The following POMZP3 variants were observed in gnomAD, a reference collection of about 807,000 sequenced individuals.
POMZP3 encodes the protein POM121 and ZP3 fusion protein.
Under a neutral mutation model 19.8 loss-of-function variants are expected in POMZP3, and 10 were observed. The ratio of observed to expected loss-of-function variants is 0.51; its 90% CI spans 0.31 to 0.86. POMZP3 has a LOEUF of 0.86. Among genes scored for constraint, POMZP3 ranks in the 40% least tolerant of loss-of-function variants. POMZP3 has a pLI of 0.04. For missense variants in POMZP3, 152 were observed against 228.1 expected (o/e 0.67, Z 2.15); for synonymous variants, 57 against 85.8 (o/e 0.66, Z 1.85).
chr7:76,623,350 A>G (rs1815680451), intron 3 of POMZP3, among the ~76,000 whole-genome samples: 1 of 151,674 alleles, frequency 6.6e-6, no homozygotes, highest in Non-Finnish European at 1.5e-5. Flanking sequence ...AGCAACAAGG[A>G]AGTAGGCCAA....
rs377228819 is a variant in POMZP3 at position 76,611,463 on chromosome 7, G to T, written c.*2C>A. 4.5e-6 allele frequency: 7 copies of T among 1,551,488 alleles called. No homozygotes were observed. Among genetic ancestry groups the T allele is most frequent in the Middle Eastern group, 1.7e-4 (1 of 5,860 alleles). ...CCATTCTATGACATACCATGCCTGC[G>T]GTTACAGGGAAGCAGACGTGGACCA... On this transcript the variant is annotated 3_prime_UTR_variant, in exon 6 of 7. Transcript: ENST00000310842.
chr7:76,622,028 G>A (rs1357497429), intron 3 of POMZP3, among the ~76,000 whole-genome samples: 3 of 141,940 alleles, frequency 2.1e-5, no homozygotes, highest in African/African-American at 5.2e-5. Context: ...AGATGGCGAC[G>A]AGAGTGACCT....
Position 76,616,521 on chromosome 7 carries a change from C to T in POMZP3, c.345+1662G>A, listed in dbSNP as rs1815296974. On this transcript the variant is annotated intron_variant, in intron 4 of 6. Coordinates refer to ENST00000310842, the MANE Select transcript of POMZP3 (RefSeq NM_012230.5). ...TTTAATCACTTCCTAACCACCTATT[C>T]TAAGCTCACGGCCTCACCTCTCATC... Among the ~76,000 whole-genome samples the T allele has an allele frequency of 2.0e-5, 2 of 100,590 alleles. 1 individual carries two copies. The highest frequency in any genetic ancestry group is 7.9e-5 in the African/African-American group (2 of 25,272). The allele number at this position is 100,590 out of a possible 152,430, so 66.0% of individuals were successfully genotyped here.
chr7:76,612,054 T>A (rs1386116910), intron 4 of POMZP3, among the ~76,000 whole-genome samples: 1 of 145,758 alleles, frequency 6.9e-6, no homozygotes, highest in Non-Finnish European at 1.5e-5. Flanking sequence ...CAAAGTTAGC[T>A]GGGCGTGGTG....
At chr7:76,621,888 C>T (rs1351881862) in intron 3 of POMZP3, among the ~76,000 whole-genome samples, 2 of 126,626 alleles carry the variant, frequency 1.6e-5, no homozygotes, top group Admixed American at 1.6e-4. Context: ...TGCAGTGAGC[C>T]GAGATAGCGC....
Position 76,620,276 on chromosome 7 carries a change from C to T in POMZP3, c.228-1976G>A, listed in dbSNP as rs530588529. On this transcript the variant is annotated intron_variant, in intron 3 of 6. Coordinates refer to ENST00000310842, the MANE Select transcript of POMZP3 (RefSeq NM_012230.5). ...CCGGGAGGCAGAGCTTGTAGTGAGC[C>T]GAGATTGCACCACTGCACTCCAGCC... Among the ~76,000 whole-genome samples, 2 of 80,512 alleles carry T rather than the reference C, an allele frequency of 2.5e-5. 1 individual carries two copies. The highest frequency in any genetic ancestry group is 5.1e-5 in the Non-Finnish European group (2 of 39,014). The allele number at this position is 80,512 out of a possible 152,430, so 52.8% of individuals were successfully genotyped here. A position where few individuals can be genotyped will look rare whatever the true frequency, so the allele number is the denominator to read the frequency against.
chr7:76,611,929 TG>T (rs1815128995), intron 4 of POMZP3, 116 bp from the exon 5 acceptor site: 2 of 1,532,774 alleles, frequency 1.3e-6, no homozygotes. Context: ...CCGGGTGCGA[TG>T]GCACACACCT....
At chr7:76,622,376 T>C in intron 3 of POMZP3, among the ~76,000 whole-genome samples, 1 of 32,416 alleles carries the variant, frequency 3.1e-5, no homozygotes, top group Non-Finnish European at 6.0e-5. Context: ...ATTCTCAAGT[T>C]TTTTTTTTTT....
Position 76,626,194 on chromosome 7 carries a change from A to G in POMZP3, c.-130T>C. 1 of 1,567,878 alleles carries G rather than the reference A, an allele frequency of 6.4e-7. No homozygotes were observed. The highest frequency in any genetic ancestry group is 8.7e-7 in the Non-Finnish European group (1 of 1,155,394). ...GTCTTCGAGGTGTTATTACAAACCG[A>G]TCTGGTAAAGTCCCACGATCCCTGC... is the stretch of plus-strand genomic sequence containing the variant. On this transcript the variant is annotated 5_prime_UTR_variant, in exon 2 of 7. Transcript: ENST00000310842.
chr7:76,624,870 A>C (rs192226242), intron 3 of POMZP3, among the ~76,000 whole-genome samples: 3,682 of 151,034 alleles, frequency 0.024, 76 homozygotes, highest in African/African-American at 0.084. Flanking sequence ...CCGTGGCTCA[A>C]GCCTGTAATC....
At chr7:76,619,622 G>A (rs1340151462) in intron 3 of POMZP3, among the ~76,000 whole-genome samples, 7 of 149,490 alleles carry the variant, frequency 4.7e-5, no homozygotes, top group Non-Finnish European at 5.9e-5. Context: ...CTCAAAGGCT[G>A]GGGTTTGTTC....
chr7:76,618,789 G>GTTATT (rs940685517), intron 3 of POMZP3, among the ~76,000 whole-genome samples: 5 of 151,886 alleles, frequency 3.3e-5, no homozygotes, highest in African/African-American at 1.2e-4. Context: ...CTGAAGAATT[G>GTTATT]TTAAAGATTT....
intron 3 of POMZP3, among the ~76,000 whole-genome samples, chr7:76,620,861 ATTTTTTTTTTTTT>A (rs56084078): frequency 2.6e-5 from 2 of 76,206 alleles, no homozygotes; most frequent in Admixed American, 1.8e-4. Flanking sequence ...CTGTAAAGCC[ATTTTTTTTTTTTT>A]TTTTTTTTTT....
chr7:76,625,760 A>G (rs1815852714), intron 2 of POMZP3, 77 bp from the exon 3 acceptor site: 2 of 1,515,850 alleles, frequency 1.3e-6, no homozygotes, highest in Admixed American at 3.9e-5. Context: ...TCAGAAGCTA[A>G]CCAACAAGCC....
chr7:76,618,275 C>T lies in POMZP3; in HGVS notation c.253G>A (p.Ala85Thr), dbSNP rs376195165. ...CGAGGAACTTTGAATGCAGAAGAGG[C>T]ATCAGTGAGACCGTCGACAAGACAG... is the stretch of plus-strand genomic sequence containing the variant. ...RSCLVDGLTDASSAFKVPRPG... is the reference protein window; with the variant it reads ...RSCLVDGLTDTSSAFKVPRPG... The change falls in exon 4 of 7, where the codon GCC becomes ACC. Residue 85 changes from alanine to threonine, a missense_variant. Transcript: ENST00000310842. The T allele has an allele frequency of 5.0e-6, 8 of 1,613,564 alleles. No individual in the cohort carries two copies. The highest frequency in any genetic ancestry group is 6.8e-6 in the Non-Finnish European group (8 of 1,179,760).
At chr7:76,625,791 A>C (rs1344432812) in intron 2 of POMZP3, 108 bp from the exon 3 acceptor site, 3 of 1,417,144 alleles carry the variant, frequency 2.1e-6, no homozygotes, top group Non-Finnish European at 1.9e-6. Flanking sequence ...TTATACACTC[A>C]CAACAGTTCC....
At chr7:76,620,543 A>AC (rs200546682) in intron 3 of POMZP3, among the ~76,000 whole-genome samples, 5,096 of 146,848 alleles carry the variant, frequency 0.035, 281 homozygotes, top group African/African-American at 0.13. Context: ...ATCCCGGCTC[A>AC]TGCAACTTCC....
At chr7:76,612,673 C>T (rs1413665683) in intron 4 of POMZP3, among the ~76,000 whole-genome samples, 1 of 76,630 alleles carries the variant, frequency 1.3e-5, no homozygotes, top group Non-Finnish European at 2.5e-5. Flanking sequence ...GCTAAACCCG[C>T]GCCCATCCCC....
chr7:76,625,591 T>C lies in POMZP3; in HGVS notation c.158A>G (p.Glu53Gly), dbSNP rs761949245. 6.2e-7 allele frequency: 1 copy of C among 1,613,722 alleles called. No individual in the cohort carries two copies. Residue 53 changes from glutamate (E) to glycine (G), a missense_variant, in exon 3 of 7, where the codon GAG becomes GGG. By Grantham distance (98) the Glu-to-Gly change is moderately conservative. Transcript: ENST00000310842. ...CTCCACTGTCCTTTTCTTCTTCTTC[T>C]CTTTGAGGGCACTCAGTACAGTCTC... ...AKETVLSALK[E>G]KKKKRTVEEE...
Sources: gnomAD v4.1 joint callset for allele counts (sites outside exome capture counted in the v4.1 genomes callset) on GRCh38, gnomAD v4.1.1 for gene constraint, MANE v1.5 for transcripts, NCBI Gene and HGNC (gene_info 2026-07-23, HGNC 2026-07-21) for gene names.